Variants in DACH2 observed in about 807,000 individuals in gnomAD.
DACH2 encodes dachshund family transcription factor 2, also known as dachshund homolog 2.
Under a neutral mutation model 35.8 loss-of-function variants are expected in DACH2, and 17 were observed. The ratio of observed to expected loss-of-function variants is 0.48; its 90% CI spans 0.33 to 0.71. DACH2 has a LOEUF of 0.71. Ranked by LOEUF, DACH2 falls within the 30% of genes least tolerant of loss-of-function variation. The pLI is 0.02. For missense variants in DACH2, 469 were observed against 472.7 expected, an observed-to-expected ratio of 0.99 and a Z score of 0.07; for synonymous variants, 195 against 177.3, an observed-to-expected ratio of 1.10 and a Z score of -0.79.
intron 3 of DACH2, among the ~76,000 whole-genome samples, chrX:86,549,843 G>GT (rs1369912540): frequency 2.8e-5 from 3 of 108,327 alleles, no homozygotes; most frequent in African/African-American, 6.7e-5. Context: ...TCTATAAACA[G>GT]TTTTTTTGCA....
At chrX:86,161,267 C>A in intron 1 of DACH2, 1 of 1,192,709 alleles carries the variant, frequency 8.4e-7, no homozygotes, top group Non-Finnish European at 1.1e-6. Flanking sequence ...TCTGCCCATT[C>A]TTGGAGATAC....
chrX:86,309,780 G>T (rs992834137), intron 1 of DACH2, among the ~76,000 whole-genome samples: 4 of 112,143 alleles, frequency 3.6e-5, no homozygotes, highest in Non-Finnish European at 5.6e-5. Context: ...GCCTAGTAGG[G>T]TTATTTGGAT....
chrX:86,326,555 T>A (rs750017753), intron 1 of DACH2, among the ~76,000 whole-genome samples: 1 of 109,638 alleles, frequency 9.1e-6, no homozygotes, highest in Non-Finnish European at 1.9e-5. Flanking sequence ...TATTTTGGAT[T>A]CAGCAGGGTA....
At chrX:86,722,183 T>C (rs1175229543) in intron 6 of DACH2, among the ~76,000 whole-genome samples, 2 of 111,996 alleles carry the variant, frequency 1.8e-5, no homozygotes, top group Non-Finnish European at 3.8e-5. Context: ...TCATAATGGT[T>C]CTCATTGTTT....
At chrX:86,574,233 TA>T (rs2148334400) in intron 3 of DACH2, among the ~76,000 whole-genome samples, 1 of 111,253 alleles carries the variant, frequency 9.0e-6, no homozygotes, top group South Asian at 3.8e-4. Flanking sequence ...AGGCTCCTGG[TA>T]ATCTAAACCT....
chrX:86,367,262 C>A (rs1372466518), intron 1 of DACH2, among the ~76,000 whole-genome samples: 1 of 111,558 alleles, frequency 9.0e-6, no homozygotes, highest in East Asian at 2.8e-4. Flanking sequence ...AGCTTCTCAG[C>A]TTTTCAAGAC....
intron 2 of DACH2, among the ~76,000 whole-genome samples, chrX:86,417,349 T>C (rs1198351586): frequency 1.8e-5 from 2 of 111,458 alleles, no homozygotes; most frequent in Non-Finnish European, 3.8e-5. Flanking sequence ...TATTAGTCAA[T>C]TTTCATGCTG....
intron 3 of DACH2, among the ~76,000 whole-genome samples, chrX:86,594,203 A>AT (rs773177537): frequency 2.7e-5 from 3 of 110,815 alleles, no homozygotes; most frequent in East Asian, 2.8e-4. Context: ...CTGTCTTCTC[A>AT]TTTTTTATAT....
chrX:86,739,730 G>A lies in DACH2; in HGVS notation c.1105-17G>A, dbSNP rs1362121182. 4.3e-6 allele frequency: 5 copies of A among 1,165,657 alleles called. 1 individual carries two copies. The South Asian group carries it at 9.5e-5, about 22-fold the overall frequency. On this transcript the variant is annotated splice_polypyrimidine_tract_variant and intron_variant, in intron 6 of 11. Transcript: ENST00000373125. ...GCGCATAGATGACATTTCCTTTTGT[G>A]TTTCCTTTTGTGTCAGGAGCGGATC...
intron 3 of DACH2, among the ~76,000 whole-genome samples, chrX:86,634,702 A>T (rs975561202): frequency 3.6e-5 from 4 of 111,940 alleles, no homozygotes; most frequent in African/African-American, 1.3e-4. Context: ...AGCTACAAAA[A>T]TTAAAATACC....
chrX:86,805,530 C>A (rs188596275), intron 7 of DACH2, among the ~76,000 whole-genome samples: 1 of 111,064 alleles, frequency 9.0e-6, no homozygotes, highest in African/African-American at 3.3e-5. Flanking sequence ...TTTCTTCAGC[C>A]CACTTGAATT....
chrX:86,664,492 T>C (rs2040644036), intron 4 of DACH2, among the ~76,000 whole-genome samples: 2 of 111,600 alleles, frequency 1.8e-5, no homozygotes, highest in African/African-American at 6.5e-5. Flanking sequence ...CATGGAGTTT[T>C]CTTATAAATG....
intron 1 of DACH2, among the ~76,000 whole-genome samples, chrX:86,317,634 G>A (rs889192795): frequency 4.5e-5 from 5 of 111,976 alleles, no homozygotes; most frequent in African/African-American, 1.6e-4. Context: ...TCTTATACTT[G>A]TCCTGATTAT....
At chrX:86,611,411 A>G (rs1569452596) in intron 3 of DACH2, among the ~76,000 whole-genome samples, 1 of 109,903 alleles carries the variant, frequency 9.1e-6, no homozygotes, top group Non-Finnish European at 1.9e-5. Flanking sequence ...TCCCTTATCC[A>G]CCTGGGCTGT....
At position 86,624,060 on chromosome X, in the gene DACH2, CAA is replaced by C. The variant is rs34140706; in HGVS notation, c.641-26955_641-26954del. Among the ~76,000 whole-genome samples, 66 of 36,046 alleles carry C rather than the reference CAA, an allele frequency of 1.8e-3. 1 individual carries two copies. The highest frequency in any genetic ancestry group is 6.2e-3 in the African/African-American group (61 of 9,869). The allele number at this position is 36,046 out of a possible 115,157, so 31.3% of individuals were successfully genotyped here. ...GAAACTCCGTCTCAAAAAAACAAAA[CAA>C]AAAAAAAAAAAAAAAAAAAAGTGGC... On this transcript the variant is annotated intron_variant, in intron 3 of 11. Transcript: ENST00000373125.
chrX:86,206,362 G>C (rs1314043042), intron 1 of DACH2, among the ~76,000 whole-genome samples: 1 of 111,717 alleles, frequency 9.0e-6, no homozygotes, highest in Non-Finnish European at 1.9e-5. Flanking sequence ...TGAAGAATGC[G>C]CTTCCCTGAG....
intron 3 of DACH2, among the ~76,000 whole-genome samples, chrX:86,624,353 A>T (rs1255350359): frequency 1.8e-5 from 2 of 112,096 alleles, no homozygotes; most frequent in Non-Finnish European, 3.8e-5. Context: ...TTTATCTTAC[A>T]TGAGGTACAT....
chrX:86,313,471 GA>G (rs2034838766), intron 1 of DACH2, among the ~76,000 whole-genome samples: 1 of 111,578 alleles, frequency 9.0e-6, no homozygotes, highest in African/African-American at 3.3e-5. Context: ...TAAAACAACT[GA>G]GCGGCCATAG....
intron 1 of DACH2, among the ~76,000 whole-genome samples, chrX:86,239,290 C>A (rs1176791975): frequency 9.0e-6 from 1 of 111,305 alleles, no homozygotes; most frequent in African/African-American, 3.3e-5. Flanking sequence ...GGGAAATACA[C>A]CTGTGCCTGT....
Sources: allele counts gnomAD v4.1 joint callset (sites outside exome capture counted in the v4.1 genomes callset), GRCh38; gene constraint gnomAD v4.1.1; transcripts MANE v1.5; gene names NCBI Gene and HGNC (gene_info 2026-07-23, HGNC 2026-07-21).